AKT3: variants seen among roughly 807,000 people sequenced by gnomAD.
AKT3 encodes AKT serine/threonine kinase 3.
In AKT3, 15 loss-of-function variants were observed where a neutral mutation model predicts 65.3. That is an observed-to-expected ratio of 0.23 (90% CI 0.15 to 0.35). The LOEUF is 0.35. Ranked by LOEUF, AKT3 falls within the 10% of genes least tolerant of loss-of-function variation. The pLI is 1.00. For missense variants in AKT3, 243 were observed against 576.5 expected, an observed-to-expected ratio of 0.42 and a Z score of 5.92; for synonymous variants, 206 against 183.8, an observed-to-expected ratio of 1.12 and a Z score of -0.98.
At chr1:243,803,034 G>A (rs1269843716) in intron 2 of AKT3, among the ~76,000 whole-genome samples, 1 of 152,124 alleles carries the variant, frequency 6.6e-6, no homozygotes, top group Non-Finnish European at 1.5e-5. Flanking sequence ...TGTAGTTCCA[G>A]CTACTAGGGA....
Position 243,777,438 on chromosome 1 carries a change from A to G in AKT3, c.46+65687T>C, listed in dbSNP as rs78067538. The stretch of plus-strand genomic sequence containing the variant: ...GTTGGGGACCCCTGCACTGTAAAAC[A>G]GGTAGGGTATGAGAAAAATTGTAAC... On this transcript the variant is annotated intron_variant, in intron 2 of 13. Transcript: ENST00000673466. 5.1e-3 allele frequency among the ~76,000 whole-genome samples: 778 copies of G among 152,322 alleles called. 9 individuals are homozygous for G. The highest frequency in any genetic ancestry group is 0.018 in the African/African-American group (738 of 41,576).
intron 2 of AKT3, among the ~76,000 whole-genome samples, chr1:243,720,664 G>A (rs1266010463): frequency 1.3e-5 from 2 of 151,904 alleles, no homozygotes; most frequent in African/African-American, 4.8e-5. Context: ...CCAGTAATTC[G>A]AATAAAGAGA....
intron 10 of AKT3, among the ~76,000 whole-genome samples, chr1:243,554,685 A>AC (rs1673294398): frequency 6.6e-6 from 1 of 152,184 alleles, no homozygotes. Context: ...ACTAATAACA[A>AC]CCAAAAATTT....
intron 2 of AKT3, among the ~76,000 whole-genome samples, chr1:243,835,756 T>C (rs911682462): frequency 3.9e-5 from 6 of 152,160 alleles, no homozygotes; most frequent in Non-Finnish European, 8.8e-5. Flanking sequence ...GAATGCATAC[T>C]GTTAGTGGAA....
At chr1:243,778,368 GT>G (rs1162768166) in intron 2 of AKT3, among the ~76,000 whole-genome samples, 1 of 152,138 alleles carries the variant, frequency 6.6e-6, no homozygotes, top group Admixed American at 6.5e-5. Context: ...CCTTGCAAAG[GT>G]TGAGGCCAGC....
chr1:243,538,976 C>T (rs555862126), intron 12 of AKT3, among the ~76,000 whole-genome samples: 2 of 152,274 alleles, frequency 1.3e-5, no homozygotes, highest in South Asian at 2.1e-4. Context: ...TAGTTGACGA[C>T]ATCAACTATC....
downstream of AKT3, among the ~76,000 whole-genome samples, chr1:243,498,978 C>G (rs1328989185): frequency 1.3e-5 from 2 of 152,228 alleles, no homozygotes; most frequent in Non-Finnish European, 2.9e-5. Context: ...GGCCCAGTCA[C>G]CTTCCCACAC....
chr1:243,764,495 C>T (rs780482076), intron 2 of AKT3, among the ~76,000 whole-genome samples: 1 of 152,036 alleles, frequency 6.6e-6, no homozygotes, highest in South Asian at 2.1e-4. Context: ...TACACAAATA[C>T]GTTGGTAGGA....
At chr1:243,818,854 G>T (rs1015291615) in intron 2 of AKT3, among the ~76,000 whole-genome samples, 1 of 152,042 alleles carries the variant, frequency 6.6e-6, no homozygotes, top group Non-Finnish European at 1.5e-5. Context: ...CTAGGCAGTT[G>T]GCGCGACCTA....
At position 243,505,334 on chromosome 1, in the gene AKT3, T is replaced by C. The variant is rs368205016; in HGVS notation, c.1355A>G (p.Tyr452Cys). The C allele has an allele frequency of 3.7e-6, 6 of 1,613,450 alleles. No homozygotes were observed. The African/African-American group carries it at 8.0e-5, about 22-fold the overall frequency. The change falls in exon 14 of 14, where the codon TAT becomes TGT. Residue 452 changes from tyrosine (Y) to cysteine (C), a missense_variant and splice_region_variant. Around this residue, in one of 6 missense-constraint regions of AKT3, gnomAD observed 57 missense variants for 107.6 expected, o/e 0.53. Transcript: ENST00000673466. Reference sequence around the variant, plus strand: ...CATGCAGTCCATACCATCCTCATCATCTGTGGGCAGGAAACATCTATTTTA... The same window carrying C: ...CATGCAGTCCATACCATCCTCATCACCTGTGGGCAGGAAACATCTATTTTA... ...QTITITPPEKYDEDGMDCMDN... is the reference protein window; with the variant it reads ...QTITITPPEKCDEDGMDCMDN...
At chr1:243,687,919 A>T (rs1156504063) in intron 3 of AKT3, 2 of 152,222 alleles carry the variant, frequency 1.3e-5, no homozygotes, top group Non-Finnish European at 2.9e-5. Flanking sequence ...ATTTACGGTA[A>T]TTCACTTCTT....
intron 3 of AKT3, among the ~76,000 whole-genome samples, chr1:243,695,022 C>G (rs1015851376): frequency 5.9e-5 from 9 of 151,894 alleles, no homozygotes; most frequent in African/African-American, 2.2e-4. Flanking sequence ...CAATAATAAT[C>G]ATTGTCATTA....
intron 12 of AKT3, among the ~76,000 whole-genome samples, chr1:243,531,565 T>C (rs924543548): frequency 2.0e-5 from 3 of 152,208 alleles, no homozygotes; most frequent in African/African-American, 7.2e-5. Context: ...ATTCTGTAAA[T>C]ATCCTCAGTA....
chr1:243,613,142 C>CAT (rs1163776691), intron 8 of AKT3: 8 of 139,226 alleles, frequency 5.7e-5, no homozygotes, highest in Non-Finnish European at 1.1e-4. Flanking sequence ...TATATACATA[C>CAT]ATATATATAC....
At chr1:243,656,109 G>A (rs968162992) in intron 4 of AKT3, among the ~76,000 whole-genome samples, 1 of 150,630 alleles carries the variant, frequency 6.6e-6, no homozygotes, top group African/African-American at 2.4e-5. Context: ...GTGGCGGGGG[G>A]GTGTGGGGGG....
At chr1:243,598,944 C>T (rs189111828) in intron 8 of AKT3, among the ~76,000 whole-genome samples, 16 of 152,216 alleles carry the variant, frequency 1.1e-4, no homozygotes, top group Non-Finnish European at 1.5e-4. Flanking sequence ...GGGGAACATA[C>T]CTGTTCTTGA....
intron 2 of AKT3, among the ~76,000 whole-genome samples, chr1:243,715,593 G>C (rs1373418544): frequency 6.6e-6 from 1 of 151,930 alleles, no homozygotes; most frequent in African/African-American, 2.4e-5. Flanking sequence ...CAAAAAATGG[G>C]ATCATTCTCT....
chr1:243,489,163 G>A lies in AKT3; in HGVS notation c.*7-713C>T, dbSNP rs752615881. 3 of 1,609,936 alleles carry A rather than the reference G, an allele frequency of 1.9e-6. No homozygotes were observed. In the African/African-American group the frequency reaches 4.0e-5, roughly 22 times the overall value. On this transcript the variant is annotated intron_variant, in intron 13 of 13. Transcript: ENST00000336199. The stretch of plus-strand genomic sequence containing the variant: ...CAGGTACTGTGCAGAACGCGGCGCA[G>A]GTGGGAGTCCTTGGGCGGGCGTCTA...
intron 9 of AKT3, among the ~76,000 whole-genome samples, chr1:243,571,221 G>A (rs1674538241): frequency 6.6e-6 from 1 of 152,170 alleles, no homozygotes; most frequent in Non-Finnish European, 1.5e-5. Flanking sequence ...GGAGGCTGAG[G>A]CAGGAGAATC....
Sources: allele counts gnomAD v4.1 joint callset (sites outside exome capture counted in the v4.1 genomes callset), GRCh38; gene constraint gnomAD v4.1.1; regional missense constraint gnomAD v4.1.1; transcripts MANE v1.5; gene names NCBI Gene and HGNC (gene_info 2026-07-23, HGNC 2026-07-21).